The following SLC9A9 variants were observed in gnomAD, a reference collection of about 807,000 sequenced individuals.
SLC9A9 encodes sodium/hydrogen exchanger 9.
A neutral mutation model predicts 77.8 loss-of-function variants in SLC9A9; 62 were observed. The ratio of observed to expected loss-of-function variants is 0.80; its 90% CI spans 0.65 to 0.98. The LOEUF (loss-of-function observed/expected upper bound fraction) is 0.98, where lower values mean the gene tolerates loss of function less well. Among genes scored for constraint, SLC9A9 ranks in the 50% least tolerant of loss-of-function variants. SLC9A9 has a pLI of 0.00. For missense variants in SLC9A9, 775 were observed against 774.9 expected, an observed-to-expected ratio of 1.00 and a Z score of 0.00; for synonymous variants, 320 against 283.5, an observed-to-expected ratio of 1.13 and a Z score of -1.29.
Position 143,584,664 on chromosome 3 carries a change from T to C in SLC9A9, c.756-5941A>G, listed in dbSNP as rs1168531708. Among the ~76,000 whole-genome samples the C allele has an allele frequency of 3.9e-5, 6 of 152,218 alleles. No individual in the cohort carries two copies. The East Asian group carries it at 7.7e-4, about 20-fold the overall frequency. ...GAAAAGTTCTTGATTAGTTGGAACA[T>C]ACATAAATATGAAATGGATCTTTTT... On this transcript the variant is annotated intron_variant, in intron 6 of 15. Transcript: ENST00000316549.
intron 6 of SLC9A9, among the ~76,000 whole-genome samples, chr3:143,648,687 A>C (rs1424358351): frequency 5.3e-5 from 8 of 152,188 alleles, no homozygotes; most frequent in African/African-American, 1.9e-4. Flanking sequence ...ATGTGCTTCC[A>C]ATGAAGCTGA....
Position 143,832,052 on chromosome 3 carries a change from G to A in SLC9A9, c.345C>T (p.Ile115=). The A allele has an allele frequency of 6.2e-7, 1 of 1,612,792 alleles. No individual in the cohort carries two copies. Among genetic ancestry groups the A allele is most frequent in the Non-Finnish European group, 8.5e-7 (1 of 1,179,324 alleles). ...GTATAGCATTTCCTTGATGAGGATT[G>A]ATGTTGTGCTGACTTATTTCTCTTT... ...KYKREISQHN[I]NPHQGNAILE... is the part of the protein sequence containing the mutation. The change falls in exon 2 of 16, where the codon ATC becomes ATT. Residue 115 remains isoleucine (I), a synonymous_variant. Coordinates refer to ENST00000316549, the MANE Select transcript of SLC9A9 (RefSeq NM_173653.4).
intron 4 of SLC9A9, among the ~76,000 whole-genome samples, chr3:143,705,909 G>T (rs978618791): frequency 6.6e-6 from 1 of 152,196 alleles, no homozygotes; most frequent in African/African-American, 2.4e-5. Flanking sequence ...GAAGGAGAGA[G>T]AAGTCATCTA....
At chr3:143,734,703 C>A (rs965135138) in intron 4 of SLC9A9, among the ~76,000 whole-genome samples, 6 of 143,348 alleles carry the variant, frequency 4.2e-5, no homozygotes, top group Admixed American at 1.4e-4. Flanking sequence ...CACTGCACTC[C>A]AGCCTGGCAA....
At chr3:143,439,730 G>A (rs1238782672) in intron 12 of SLC9A9, among the ~76,000 whole-genome samples, 2 of 151,860 alleles carry the variant, frequency 1.3e-5, no homozygotes, top group Non-Finnish European at 2.9e-5. Flanking sequence ...CCCAACGAAT[G>A]AAAAGAGAGA....
At position 143,443,160 on chromosome 3, in the gene SLC9A9, T is replaced by TG. The variant is rs1343661556; in HGVS notation, c.1469+23876dup. Among the ~76,000 whole-genome samples, 16 of 135,494 alleles carry TG rather than the reference T, an allele frequency of 1.2e-4. No individual in the cohort carries two copies. The South Asian group carries it at 2.4e-3, about 20-fold the overall frequency. 88.9% of individuals were successfully genotyped at this position (135,494 alleles called of 152,430 possible). A position where few individuals can be genotyped will look rare whatever the true frequency, so the allele number is the denominator to read the frequency against. On this transcript the variant is annotated intron_variant, in intron 12 of 15. Transcript: ENST00000316549. The stretch of plus-strand genomic sequence containing the variant: ...CCCTGTAGGGGAACAGATTAGGGCT[T>TG]GGGGGTGTGGGGGCTGGGGGCCAGA...
At chr3:143,785,958 G>C (rs2008043085) in intron 4 of SLC9A9, among the ~76,000 whole-genome samples, 1 of 145,720 alleles carries the variant, frequency 6.9e-6, no homozygotes, top group South Asian at 2.2e-4. Flanking sequence ...CCGGGTTCAC[G>C]CCATTCTCCT....
chr3:143,836,858 T>G (rs1249667190), intron 1 of SLC9A9, among the ~76,000 whole-genome samples: 1 of 152,184 alleles, frequency 6.6e-6, no homozygotes, highest in African/African-American at 2.4e-5. Context: ...CCTTAAAATA[T>G]TAAAATATCT....
rs527360596 is a variant in SLC9A9 at position 143,266,362 on chromosome 3, G to T, written c.*340C>A. On this transcript the variant is annotated 3_prime_UTR_variant, in exon 16 of 16. Transcript: ENST00000316549. The stretch of plus-strand genomic sequence containing the variant: ...ATAAAATCCAGAATAGAAGTGAAGG[G>T]CCTGGAGAGCCGCATTCGCAGCAGA... 6.2e-4 allele frequency: 343 copies of T among 555,132 alleles called. No individual in the cohort carries two copies. Among genetic ancestry groups the T allele is most frequent in the Middle Eastern group, 2.4e-3 (5 of 2,084 alleles). 34.4% of individuals were successfully genotyped at this position (555,132 alleles called of 1,614,324 possible). A position where few individuals can be genotyped will look rare whatever the true frequency, so the allele number is the denominator to read the frequency against.
chr3:143,406,377 C>T (rs1429617226), intron 12 of SLC9A9, among the ~76,000 whole-genome samples: 1 of 151,660 alleles, frequency 6.6e-6, no homozygotes, highest in Non-Finnish European at 1.5e-5. Flanking sequence ...TTTATTTTTC[C>T]TGTATCTTTT....
Position 143,608,039 on chromosome 3 carries a change from A to G in SLC9A9, c.756-29316T>C, listed in dbSNP as rs116058183. 2.0e-3 allele frequency among the ~76,000 whole-genome samples: 311 copies of G among 152,308 alleles called. 1 individual carries two copies. Among genetic ancestry groups the G allele is most frequent in the African/African-American group, 7.3e-3 (302 of 41,580 alleles). On this transcript the variant is annotated intron_variant, in intron 6 of 15. Coordinates refer to ENST00000316549, the MANE Select transcript of SLC9A9 (RefSeq NM_173653.4). ...AATAGAAAATGCGCAAATAAAGTGT[A>G]ATATATAATGAAATATTAAACAACA...
chr3:143,654,961 C>T (rs1026595960), intron 5 of SLC9A9, among the ~76,000 whole-genome samples: 1 of 152,230 alleles, frequency 6.6e-6, no homozygotes, highest in African/African-American at 2.4e-5. Context: ...GAACAAAGAA[C>T]TGAACTCTGT....
intron 9 of SLC9A9, among the ~76,000 whole-genome samples, chr3:143,511,828 A>G (rs541132109): frequency 1.3e-5 from 2 of 152,302 alleles, no homozygotes; most frequent in South Asian, 4.1e-4. Flanking sequence ...CTGCATCTAT[A>G]CATAATTGTG....
At chr3:143,376,102 T>A (rs1196762388) in intron 13 of SLC9A9, among the ~76,000 whole-genome samples, 2 of 152,028 alleles carry the variant, frequency 1.3e-5, no homozygotes, top group Non-Finnish European at 2.9e-5. Context: ...GATGACACAC[T>A]CTGCAGTAGG....
At chr3:143,606,428 CTCTCTCTCTATA>C (rs1463438786) in intron 6 of SLC9A9, among the ~76,000 whole-genome samples, 1,024 of 69,818 alleles carry the variant, frequency 0.015, 5 homozygotes, top group Middle Eastern at 0.041. Context: ...CTCTCTCTCT[CTCTCTCTCTATA>C]TATATATATA....
chr3:143,414,000 G>T (rs1354479294), intron 12 of SLC9A9, among the ~76,000 whole-genome samples: 1 of 152,248 alleles, frequency 6.6e-6, no homozygotes, highest in African/African-American at 2.4e-5. Context: ...CCTGGCCCAG[G>T]GCTAGACACA....
chr3:143,634,864 T>C (rs1336530268), intron 6 of SLC9A9, among the ~76,000 whole-genome samples: 1 of 152,158 alleles, frequency 6.6e-6, no homozygotes, highest in Non-Finnish European at 1.5e-5. Context: ...CCTTTTTGAT[T>C]ATAACTCATC....
chr3:143,714,534 C>A (rs1323142603), intron 4 of SLC9A9, among the ~76,000 whole-genome samples: 2 of 152,206 alleles, frequency 1.3e-5, no homozygotes, highest in Non-Finnish European at 2.9e-5. Context: ...CACTTCCCAC[C>A]AATGTGTAGC....
At chr3:143,476,619 A>G (rs1179225593) in intron 11 of SLC9A9, among the ~76,000 whole-genome samples, 1 of 152,252 alleles carries the variant, frequency 6.6e-6, no homozygotes, top group African/African-American at 2.4e-5. Context: ...TTCAGGAGAA[A>G]GGCTAACATA....
Sources: gnomAD v4.1 joint callset for allele counts (sites outside exome capture counted in the v4.1 genomes callset) on GRCh38, gnomAD v4.1.1 for gene constraint, MANE v1.5 for transcripts, NCBI Gene and HGNC (gene_info 2026-07-23, HGNC 2026-07-21) for gene names.